Variants in ITSN1 observed in about 807,000 individuals in gnomAD.
ITSN1 encodes intersectin 1.
A neutral mutation model predicts 239.8 loss-of-function variants in ITSN1; 58 were observed. That is an observed-to-expected ratio of 0.24 (90% confidence interval 0.20 to 0.30). The LOEUF (loss-of-function observed/expected upper bound fraction) is 0.30, where lower values mean the gene tolerates loss of function less well. ITSN1 is among the 10% of genes least tolerant of loss of function. The pLI is 1.00. For synonymous variants in ITSN1, 780 were observed against 770.8 expected (o/e 1.01, Z -0.20); for missense variants, 1,558 against 2,103.3 (o/e 0.74, Z 5.07).
intron 16 of ITSN1, among the ~76,000 whole-genome samples, chr21:33,792,118 A>G (rs1372511430): frequency 1.3e-5 from 2 of 152,218 alleles, no homozygotes; most frequent in Non-Finnish European, 2.9e-5. Context: ...GAACACCTAA[A>G]GATCATCCAT....
chr21:33,644,618 G>A (rs572792611), intron 1 of ITSN1, among the ~76,000 whole-genome samples: 2 of 151,700 alleles, frequency 1.3e-5, no homozygotes, highest in African/African-American at 2.4e-5. Context: ...ATGAGTGGTA[G>A]CAAGTTAGTT....
intron 3 of ITSN1, 140 bp from the exon 4 acceptor site, chr21:33,722,448 T>A: frequency 9.1e-7 from 1 of 1,097,762 alleles, no homozygotes; most frequent in Non-Finnish European, 1.2e-6. Context: ...GGGCTTATCC[T>A]TGGACTTTTA....
intron 28 of ITSN1, among the ~76,000 whole-genome samples, chr21:33,835,484 C>T (rs539680571): frequency 1.4e-4 from 21 of 152,302 alleles, no homozygotes; most frequent in Admixed American, 3.3e-4. Context: ...GGTGCAGACT[C>T]ATCTGAAGTA....
intron 20 of ITSN1, among the ~76,000 whole-genome samples, chr21:33,805,650 CT>C (rs1188013060): frequency 3.9e-5 from 6 of 152,024 alleles, no homozygotes; most frequent in Admixed American, 6.5e-5. Context: ...CAGGTTGGAG[CT>C]TTAGAAAGAG....
In ITSN1 at chr21:33,886,329, G is replaced by A; in HGVS notation, c.4886G>A (p.Cys1629Tyr). 6.2e-7 allele frequency: 1 copy of A among 1,614,036 alleles called. No homozygotes were observed. The highest frequency in any genetic ancestry group is 8.5e-7 in the Non-Finnish European group (1 of 1,180,000). ...TGTGAGGTGACCATGGGTTCCCAGT[G>A]CCACATCACCAAGACGATCCAGGAC... ...PYCEVTMGSQ[C>Y]HITKTIQDTL... Residue 1629 changes from cysteine to tyrosine, a missense_variant, in exon 39 of 40, where the codon TGC (cysteine) becomes TAC (tyrosine). Physicochemically the swap from Cys to Tyr is radical, Grantham distance 194. Coordinates refer to ENST00000381318, the MANE Select transcript of ITSN1 (RefSeq NM_003024.3).
chr21:33,779,444 G>A (rs751824447), intron 14 of ITSN1, among the ~76,000 whole-genome samples: 78 of 151,628 alleles, frequency 5.1e-4, no homozygotes, highest in Non-Finnish European at 1.0e-3. Context: ...CACCTTTATT[G>A]AGATTTATGG....
rs143876560 is a variant in ITSN1 at position 33,819,110 on chromosome 21, A to G, written c.2934-131A>G. ...CTTATTATGTGTTTTTAACCTAGCTAAGTACAACTATTTCAGCTGTGGGTC... is the reference window on the plus strand; with the variant it reads ...CTTATTATGTGTTTTTAACCTAGCTGAGTACAACTATTTCAGCTGTGGGTC... On this transcript the variant is annotated intron_variant, in intron 23 of 39. Transcript: ENST00000381318. The G allele has an allele frequency of 1.2e-5, 8 of 640,894 alleles. No individual in the cohort carries two copies. The African/African-American group carries it at 1.3e-4, about 10-fold the overall frequency. 39.7% of individuals were successfully genotyped at this position (640,894 alleles called of 1,614,324 possible).
At position 33,797,620 on chromosome 21, in the gene ITSN1, C is replaced by G. The variant is rs750840908; in HGVS notation, c.2182+12C>G. Reference sequence around the variant, plus strand: ...CTGGTCCACTGCAGGTATTAGAAGCCAAAAATAATTATAGAAAATAAGTCA... The same window carrying G: ...CTGGTCCACTGCAGGTATTAGAAGCGAAAAATAATTATAGAAAATAAGTCA... On this transcript the variant is annotated intron_variant, in intron 18 of 39. Transcript: ENST00000381318. This position sits in a 1 kb window ranked among gnomAD's most constrained non-coding sequence, Gnocchi z 4.9. 5 of 1,604,212 alleles carry G rather than the reference C, an allele frequency of 3.1e-6. No homozygotes were observed. In the South Asian group the frequency reaches 5.5e-5, roughly 18 times the overall value.
intron 27 of ITSN1, among the ~76,000 whole-genome samples, chr21:33,833,406 A>G (rs2074408476): frequency 6.6e-6 from 1 of 152,200 alleles, no homozygotes; most frequent in African/African-American, 2.4e-5. Flanking sequence ...CTAAGGATGT[A>G]TATTACCCAT....
At chr21:33,675,612 A>G (rs911709167) in intron 1 of ITSN1, among the ~76,000 whole-genome samples, 2 of 152,164 alleles carry the variant, frequency 1.3e-5, no homozygotes, top group African/African-American at 4.8e-5. Flanking sequence ...ATTACCAGAT[A>G]CCCACAAAGG....
At chr21:33,775,255 G>A in intron 14 of ITSN1, 147 bp downstream of exon 14, 2 of 769,416 alleles carry the variant, frequency 2.6e-6, no homozygotes, top group Non-Finnish European at 2.0e-6. Flanking sequence ...CAGGGTCCTT[G>A]TGTGAAAAGT....
At chr21:33,854,815 C>G (rs1352034486) in intron 29 of ITSN1, among the ~76,000 whole-genome samples, 1 of 152,146 alleles carries the variant, frequency 6.6e-6, no homozygotes, top group African/African-American at 2.4e-5. Flanking sequence ...ACCTTGCAGC[C>G]CTGGAGAATT....
intron 1 of ITSN1, among the ~76,000 whole-genome samples, chr21:33,645,208 A>G (rs1022650663): frequency 2.4e-4 from 36 of 152,170 alleles, no homozygotes; most frequent in African/African-American, 8.0e-4. Flanking sequence ...TTGGGATTAT[A>G]TTATGCACCT....
intron 16 of ITSN1, among the ~76,000 whole-genome samples, chr21:33,784,310 A>AAC (rs58496273): frequency 0.12 from 16,724 of 134,002 alleles, 1,084 homozygotes; most frequent in East Asian, 0.24. Context: ...GTCTCTACAA[A>AAC]ACACACACAC....
At chr21:33,716,909 C>G (rs549034940) in intron 1 of ITSN1, among the ~76,000 whole-genome samples, 2 of 150,068 alleles carry the variant, frequency 1.3e-5, no homozygotes, top group Admixed American at 6.6e-5. Flanking sequence ...CTGAGATCGC[C>G]TGGGCAACAA....
At chr21:33,849,771 C>T (rs1251717756) in intron 29 of ITSN1, among the ~76,000 whole-genome samples, 1 of 152,080 alleles carries the variant, frequency 6.6e-6, no homozygotes, top group Non-Finnish European at 1.5e-5. Flanking sequence ...CTCAGGTGCG[C>T]CATAAATATA....
chr21:33,834,401 C>G lies in ITSN1; in HGVS notation c.3446C>G (p.Pro1149Arg). The change falls in exon 28 of 40, where the codon CCT becomes CGT. Residue 1149 changes from proline to arginine, a missense_variant. Pro to Arg is a moderately radical substitution (Grantham distance 103, BLOSUM62 -2). This residue lies in a region of ITSN1 where 576 missense variants were observed against 893.3 expected (regional missense o/e 0.64). Transcript: ENST00000381318. ...AGCAAAATCACTCCAACAGAGCCAC[C>G]TAAGTCAACAGCATTAGCGGCAGGT... ...GTSKITPTEPPKSTALAAVCQ... is the reference protein window; with the variant it reads ...GTSKITPTEPRKSTALAAVCQ... 1.2e-6 allele frequency: 2 copies of G among 1,612,518 alleles called. No individual in the cohort carries two copies.
At chr21:33,835,692 A>G (rs1422189473) in intron 28 of ITSN1, among the ~76,000 whole-genome samples, 1 of 152,194 alleles carries the variant, frequency 6.6e-6, no homozygotes, top group African/African-American at 2.4e-5. Flanking sequence ...GCACTTTGGG[A>G]GGCCGAGGCG....
intron 38 of ITSN1, 69 bp from the exon 39 acceptor site, chr21:33,886,218 A>G: frequency 7.4e-7 from 1 of 1,348,318 alleles, no homozygotes; most frequent in Admixed American, 2.4e-5. Flanking sequence ...TCTAAAAAAA[A>G]AAAAAAAAAA....
Sources: allele counts gnomAD v4.1 joint callset (sites outside exome capture counted in the v4.1 genomes callset), GRCh38; gene constraint gnomAD v4.1.1; regional missense constraint gnomAD v4.1.1; non-coding constraint Gnocchi (gnomAD v3.1); transcripts MANE v1.5; gene names NCBI Gene and HGNC (gene_info 2026-07-23, HGNC 2026-07-21).